CX3CR1: variants seen among roughly 807,000 people sequenced by gnomAD.
The protein encoded by CX3CR1 is CX3C chemokine receptor 1.
For synonymous variants in CX3CR1, 168 were observed against 178.5 expected (o/e 0.94, Z 0.47); for missense variants, 363 against 432.4 (o/e 0.84, Z 1.42).
upstream of CX3CR1, among the ~76,000 whole-genome samples, chr3:39,283,212 A>G (rs2040919204): frequency 2.0e-5 from 3 of 152,036 alleles, no homozygotes; most frequent in South Asian, 2.1e-4. Context: ...TATTATCCTC[A>G]TCTTATATGT....
Position 39,265,303 on chromosome 3 carries a change from A to G in CX3CR1, c.*139T>C. On this transcript the variant is annotated 3_prime_UTR_variant, in exon 2 of 2. Coordinates refer to ENST00000399220, the MANE Select transcript of CX3CR1 (RefSeq NM_001337.4). ...CAAATTTTGAGCACAATTCTCAACA[A>G]CACTCTAGGGTTGTTTTGTGTGCAT... 1 of 812,682 alleles carries G rather than the reference A, an allele frequency of 1.2e-6. No homozygotes were observed. Among genetic ancestry groups the G allele is most frequent in the East Asian group, 2.5e-5 (1 of 39,922 alleles). The allele number at this position is 812,682 out of a possible 1,614,324, so 50.3% of individuals were successfully genotyped here.
intron 1 of CX3CR1, among the ~76,000 whole-genome samples, chr3:39,273,134 C>T (rs1272562903): frequency 6.6e-6 from 1 of 152,272 alleles, no homozygotes; most frequent in African/African-American, 2.4e-5. Context: ...TTGCAGGCCA[C>T]TTCTCTCGAA....
intron 1 of CX3CR1, among the ~76,000 whole-genome samples, chr3:39,268,208 C>G (rs550796019): frequency 6.6e-6 from 1 of 152,152 alleles, no homozygotes; most frequent in South Asian, 2.1e-4. Flanking sequence ...ATAAGTGGGC[C>G]GGGGCTTTAC....
the CX3CR1 span, chr3:39,287,080 T>C: frequency 6.6e-6 from 1 of 152,346 alleles, no homozygotes; most frequent in East Asian, 1.9e-4. Flanking sequence ...AAGAAGCCCT[T>C]TCTTAGGTAC....
chr3:39,269,985 C>T (rs1274180778), intron 1 of CX3CR1, among the ~76,000 whole-genome samples: 1 of 152,256 alleles, frequency 6.6e-6, no homozygotes, highest in African/African-American at 2.4e-5. Flanking sequence ...CCATTTTGCA[C>T]ACACTGTGCC....
chr3:39,287,988 A>ATGTGTG, the CX3CR1 span: 628 of 149,488 alleles, frequency 4.2e-3, 1 homozygote, highest in African/African-American at 0.013. Context: ...AGATGATTTA[A>ATGTGTG]TGTGTGTGTG....
chr3:39,279,921 C>T (rs41336745), intron 1 of CX3CR1, 33 bp downstream of exon 1: 33,212 of 963,528 alleles, frequency 0.034, 661 homozygotes, highest in Middle Eastern at 0.1. Flanking sequence ...CTCCACCCCA[C>T]CCACAGGTAC....
At chr3:39,284,644 G>A (rs1043456241), upstream of CX3CR1, among the ~76,000 whole-genome samples, 2 of 152,240 alleles carry the variant, frequency 1.3e-5, no homozygotes, top group African/African-American at 4.8e-5. Flanking sequence ...CTCCATGCCA[G>A]GCCCTGTGCG....
Position 39,266,257 on chromosome 3 carries a change from G to C in CX3CR1, c.253C>G (p.Pro85Ala). The C allele has an allele frequency of 6.2e-7, 1 of 1,614,210 alleles. No homozygotes were observed. The highest frequency in any genetic ancestry group is 8.5e-7 in the Non-Finnish European group (1 of 1,180,052). ...LSDLLFVATLPFWTHYLINEK... is the reference protein window; with the variant it reads ...LSDLLFVATLAFWTHYLINEK... ...TTTATCAAATAGTGAGTCCAGAAGG[G>C]CAAAGTGGCTACAAACAGCAGATCA... Residue 85 changes from proline (P) to alanine (A), a missense_variant, in exon 2 of 2, where the codon CCC becomes GCC. Transcript: ENST00000399220.
intron 1 of CX3CR1, among the ~76,000 whole-genome samples, chr3:39,270,313 G>A (rs1378333054): frequency 3.3e-5 from 5 of 152,172 alleles, no homozygotes; most frequent in South Asian, 2.1e-4. Context: ...GGGATTTATC[G>A]TAGACACACA....
intron 1 of CX3CR1, among the ~76,000 whole-genome samples, chr3:39,274,706 ATTGT>A (rs1172652232): frequency 6.6e-6 from 1 of 152,126 alleles, no homozygotes; most frequent in Admixed American, 6.5e-5. Flanking sequence ...AGACTTGTTA[ATTGT>A]TTAATTATTA....
rs1345826622 is a variant in CX3CR1, at chr3:39,266,635, T to C, written c.-9-117A>G. ...AAACAAATATTGGTTGGGTGCACAC[T>C]ACATTTCCCAACTTCCCACTTGCCA... On this transcript the variant is annotated intron_variant, in intron 1 of 1. Coordinates refer to ENST00000399220, the MANE Select transcript of CX3CR1 (RefSeq NM_001337.4). 8 of 986,992 alleles carry C rather than the reference T, an allele frequency of 8.1e-6. No homozygotes were observed. In the East Asian group the frequency reaches 9.5e-5, roughly 12 times the overall value. 61.1% of individuals were successfully genotyped at this position (986,992 alleles called of 1,614,324 possible). A position where few individuals can be genotyped will look rare whatever the true frequency, so the allele number is the denominator to read the frequency against.
At chr3:39,275,043 G>T (rs1230517138) in intron 1 of CX3CR1, among the ~76,000 whole-genome samples, 1 of 151,984 alleles carries the variant, frequency 6.6e-6, no homozygotes, top group Non-Finnish European at 1.5e-5. Flanking sequence ...TGTATTTTTA[G>T]TAGAGACAAG....
chr3:39,273,687 G>C (rs2040806027), intron 1 of CX3CR1, among the ~76,000 whole-genome samples: 1 of 152,216 alleles, frequency 6.6e-6, no homozygotes, highest in Admixed American at 6.5e-5. Context: ...TGCCCAGGCT[G>C]GAGTGCAGTG....
At chr3:39,290,667 A>G in the CX3CR1 span, among the ~76,000 whole-genome samples, 1 of 152,166 alleles carries the variant, frequency 6.6e-6, no homozygotes, top group Non-Finnish European at 1.5e-5. Flanking sequence ...CACACCTGTA[A>G]TCCCAGCACT....
chr3:39,281,285 G>T, upstream of CX3CR1: 2 of 1,103,874 alleles, frequency 1.8e-6, no homozygotes, highest in Non-Finnish European at 2.2e-6. Flanking sequence ...GAGTCAGGCC[G>T]CTCCCCATCC....
intron 1 of CX3CR1, 55 bp from the exon 2 acceptor site, chr3:39,266,573 G>T (rs2040703978): frequency 6.3e-7 from 1 of 1,574,936 alleles, no homozygotes; most frequent in South Asian, 1.1e-5. Flanking sequence ...AACAAAGTTG[G>T]AATTCTGTGT....
chr3:39,279,620 T>A (rs2125556855), intron 1 of CX3CR1, among the ~76,000 whole-genome samples: 1 of 152,338 alleles, frequency 6.6e-6, no homozygotes, highest in South Asian at 2.1e-4. Context: ...TAATACAATT[T>A]CTCATCTCAA....
At position 39,279,862 on chromosome 3, in the gene CX3CR1, T is replaced by C. The variant is rs950636281; in HGVS notation, c.-10+92A>G. The C allele has an allele frequency of 7.9e-6, 4 of 508,914 alleles. No homozygotes were observed. The African/African-American group carries it at 8.3e-5, about 11-fold the overall frequency. The allele number at this position is 508,914 out of a possible 1,614,324, so 31.5% of individuals were successfully genotyped here. A position where few individuals can be genotyped will look rare whatever the true frequency, so the allele number is the denominator to read the frequency against. On this transcript the variant is annotated intron_variant, in intron 1 of 1. Transcript: ENST00000399220. ...ACATCCCCAGGAAAATGGTTTCCAT[T>C]GTCTGCACGTAAGCAAACAGGCATT...
Sources: allele counts gnomAD v4.1 joint callset (sites outside exome capture counted in the v4.1 genomes callset), GRCh38; gene constraint gnomAD v4.1.1; transcripts MANE v1.5; gene names NCBI Gene and HGNC (gene_info 2026-07-23, HGNC 2026-07-21).